The following GRM8 variants were observed in gnomAD, a reference collection of about 807,000 sequenced individuals.
The protein encoded by GRM8 is metabotropic glutamate receptor 8.
Under a neutral mutation model 87.2 loss-of-function variants are expected in GRM8, and 47 were observed. The observed-to-expected ratio is 0.54, with a 90% CI of 0.43 to 0.69. The LOEUF (loss-of-function observed/expected upper bound fraction) is 0.69. Ranked by LOEUF, GRM8 falls within the 30% of genes least tolerant of loss-of-function variation. The probability of loss-of-function intolerance (pLI) is 0.00; values close to 1 mark genes in which losing one functional copy is unlikely to be tolerated. For synonymous variants in GRM8, 396 were observed against 404.5 expected (o/e 0.98, Z 0.25); for missense variants, 1,019 against 1,139.2 (o/e 0.89, Z 1.52).
chr7:126,881,953 A>G (rs569378251), intron 6 of GRM8, among the ~76,000 whole-genome samples: 13 of 152,248 alleles, frequency 8.5e-5, no homozygotes, highest in Admixed American at 7.2e-4. Flanking sequence ...ACAAGAATCA[A>G]TGAGTGTTAA....
intron 8 of GRM8, among the ~76,000 whole-genome samples, chr7:126,538,840 T>C (rs1816180946): frequency 6.6e-6 from 1 of 152,062 alleles, no homozygotes; most frequent in South Asian, 2.1e-4. Flanking sequence ...ATTTTGCATA[T>C]CACATGATTC....
chr7:126,832,693 A>G (rs2157752), intron 6 of GRM8, among the ~76,000 whole-genome samples: 100,804 of 152,052 alleles, frequency 0.66, 33,550 homozygotes, highest in African/African-American at 0.69. Context: ...GCTAAACCAC[A>G]TGACTATCCT....
intron 8 of GRM8, among the ~76,000 whole-genome samples, chr7:126,600,826 A>G (rs1352768534): frequency 6.6e-6 from 1 of 152,176 alleles, no homozygotes; most frequent in Non-Finnish European, 1.5e-5. Flanking sequence ...AGAATAAATT[A>G]GCATCTAATA....
In GRM8 at chr7:126,576,236, C is replaced by G. The variant is rs139131748; in HGVS notation, c.1494+33126G>C. Among the ~76,000 whole-genome samples the G allele has an allele frequency of 6.6e-5, 10 of 152,222 alleles. No homozygotes were observed. In the East Asian group the frequency reaches 1.9e-3, roughly 29 times the overall value. On this transcript the variant is annotated intron_variant, in intron 8 of 10. Transcript: ENST00000339582. ...AGAAGACTCAATTCACAGCACAGAGCAAACAAAAAGTCATTTTCCCCAACT... is the reference window on the plus strand; with the variant it reads ...AGAAGACTCAATTCACAGCACAGAGGAAACAAAAAGTCATTTTCCCCAACT...
At chr7:127,216,387 A>G (rs566733697) in intron 2 of GRM8, among the ~76,000 whole-genome samples, 28 of 152,100 alleles carry the variant, frequency 1.8e-4, no homozygotes, top group Admixed American at 5.9e-4. Context: ...GCATGGTGGC[A>G]TGCACCTGTA....
intron 9 of GRM8, among the ~76,000 whole-genome samples, chr7:126,500,514 T>C (rs1026511047): frequency 1.3e-5 from 2 of 151,908 alleles, no homozygotes; most frequent in African/African-American, 2.4e-5. Flanking sequence ...ACTGGCACAG[T>C]TGGCAGCATT....
chr7:126,851,297 C>T (rs55810857), intron 6 of GRM8, among the ~76,000 whole-genome samples: 13,300 of 152,208 alleles, frequency 0.087, 637 homozygotes, highest in Middle Eastern at 0.14. Context: ...CACCATCATG[C>T]CCCTCCTGGA....
chr7:126,884,203 G>T (rs991731945), intron 6 of GRM8, among the ~76,000 whole-genome samples: 1 of 151,960 alleles, frequency 6.6e-6, no homozygotes, highest in African/African-American at 2.4e-5. Flanking sequence ...AAGTAACTGA[G>T]CTATAGGAAC....
intron 7 of GRM8, among the ~76,000 whole-genome samples, chr7:126,634,008 T>C (rs779090375): frequency 6.6e-6 from 1 of 152,082 alleles, no homozygotes; most frequent in Non-Finnish European, 1.5e-5. Context: ...TAGATTTTAT[T>C]AGTATATTAG....
At chr7:126,841,449 G>A (rs987902511) in intron 6 of GRM8, among the ~76,000 whole-genome samples, 16 of 152,048 alleles carry the variant, frequency 1.1e-4, no homozygotes, top group Non-Finnish European at 2.1e-4. Flanking sequence ...TTTTCATAGA[G>A]TCTTGGATAG....
intron 7 of GRM8, among the ~76,000 whole-genome samples, chr7:126,726,797 G>T (rs891110444): frequency 7.2e-5 from 11 of 151,930 alleles, no homozygotes; most frequent in Non-Finnish European, 1.5e-5. Context: ...GAAACTGTAA[G>T]CCCAGCAAAC....
chr7:126,897,473 A>G (rs2131153837), intron 6 of GRM8, among the ~76,000 whole-genome samples: 1 of 152,150 alleles, frequency 6.6e-6, no homozygotes, highest in Non-Finnish European at 1.5e-5. Flanking sequence ...AAAAATGTGT[A>G]AAGACAGGGA....
intron 6 of GRM8, among the ~76,000 whole-genome samples, chr7:126,847,208 A>G (rs550110959): frequency 1.3e-5 from 2 of 152,176 alleles, no homozygotes; most frequent in Non-Finnish European, 2.9e-5. Flanking sequence ...GTAAAAGGCA[A>G]CTGTTAATCA....
At chr7:126,796,034 A>G (rs556470348) in intron 6 of GRM8, among the ~76,000 whole-genome samples, 3 of 152,106 alleles carry the variant, frequency 2.0e-5, no homozygotes, top group South Asian at 2.1e-4. Flanking sequence ...CTTAATATAC[A>G]TGAGTTAAGA....
intron 7 of GRM8, among the ~76,000 whole-genome samples, chr7:126,745,133 G>A (rs1389253814): frequency 2.6e-5 from 4 of 151,502 alleles, no homozygotes; most frequent in African/African-American, 9.7e-5. Context: ...GGACCAAAAT[G>A]TTTGAGAACT....
At position 126,685,044 on chromosome 7, in the gene GRM8, T is replaced by C. The variant is rs996451515; in HGVS notation, c.1358-75546A>G. On this transcript the variant is annotated intron_variant, in intron 7 of 10. Transcript: ENST00000339582. The surrounding 1 kb of genome is among the most constrained non-coding windows in gnomAD (Gnocchi z 4.2). ...GCAGCAGTGGTGGCCATGGGACCCC[T>C]GTGCCCTGCGTCCCCAAGGAAGCTG... 1.3e-5 allele frequency among the ~76,000 whole-genome samples: 2 copies of C among 152,140 alleles called. No individual in the cohort carries two copies. The highest frequency in any genetic ancestry group is 3.9e-4 in the East Asian group (2 of 5,176).
chr7:127,235,242 G>A (rs565406747), intron 2 of GRM8, among the ~76,000 whole-genome samples: 18 of 152,248 alleles, frequency 1.2e-4, no homozygotes, highest in Middle Eastern at 6.8e-3. Context: ...TTAAGGCTAG[G>A]GGAAAGAAAA....
intron 2 of GRM8, among the ~76,000 whole-genome samples, chr7:127,219,316 T>C (rs1255552999): frequency 1.3e-5 from 2 of 152,216 alleles, no homozygotes; most frequent in Admixed American, 1.3e-4. Flanking sequence ...AGAAATATAG[T>C]AAAGAACTTT....
intron 3 of GRM8, chr7:127,080,684 C>T (rs1455018610): frequency 6.6e-6 from 1 of 152,046 alleles, no homozygotes; most frequent in Non-Finnish European, 1.5e-5. Context: ...TTAAGACAAA[C>T]TTCCCTTTGT....
Sources: allele counts gnomAD v4.1 joint callset (sites outside exome capture counted in the v4.1 genomes callset), GRCh38; gene constraint gnomAD v4.1.1; non-coding constraint Gnocchi (gnomAD v3.1); transcripts MANE v1.5; gene names NCBI Gene and HGNC (gene_info 2026-07-23, HGNC 2026-07-21).